The following CACNA1E variants were observed in gnomAD, a reference collection of about 807,000 sequenced individuals.
CACNA1E encodes the protein voltage-dependent R-type calcium channel subunit alpha-1E.
Under a neutral mutation model 259.2 loss-of-function variants are expected in CACNA1E, and 40 were observed. The ratio of observed to expected loss-of-function variants is 0.15; its 90% CI spans 0.12 to 0.20. The LOEUF (loss-of-function observed/expected upper bound fraction) is 0.20. CACNA1E is among the 10% of genes least tolerant of loss of function. CACNA1E has a pLI of 1.00. For synonymous variants in CACNA1E, 1,104 were observed against 1,138.5 expected (o/e 0.97, Z 0.61); for missense variants, 1,874 against 3,040.1 (o/e 0.62, Z 9.02).
At chr1:181,738,457 T>C in intron 24 of CACNA1E, 31 bp downstream of exon 24, 1 of 1,528,682 alleles carries the variant, frequency 6.5e-7, no homozygotes, top group Non-Finnish European at 9.1e-7. Context: ...CCTGGGCTCT[T>C]GGGTTTAGAT....
chr1:181,353,356 T>C (rs1653182891), intron 1 of CACNA1E, among the ~76,000 whole-genome samples: 1 of 152,196 alleles, frequency 6.6e-6, no homozygotes, highest in Non-Finnish European at 1.5e-5. Context: ...TACAGAGTGC[T>C]TCAGTCCTGA....
At chr1:181,686,324 T>C (rs1315460823) in intron 7 of CACNA1E, among the ~76,000 whole-genome samples, 2 of 137,670 alleles carry the variant, frequency 1.5e-5, no homozygotes, top group African/African-American at 5.3e-5. Context: ...TTCACTCTTG[T>C]TGCCCAGGCT....
At chr1:181,673,611 C>A (rs1222312269) in intron 7 of CACNA1E, among the ~76,000 whole-genome samples, 1 of 152,180 alleles carries the variant, frequency 6.6e-6, no homozygotes, top group Non-Finnish European at 1.5e-5. Flanking sequence ...CTAGAGTGAG[C>A]CGGAGAGCAG....
rs1015866276 is a variant in CACNA1E at position 181,802,661 on chromosome 1, G to A, written c.*3827G>A. The A allele has an allele frequency of 1.3e-5, 2 of 152,226 alleles. No homozygotes were observed. The highest frequency in any genetic ancestry group is 4.1e-4 in the South Asian group (2 of 4,828). The allele number at this position is 152,226 out of a possible 1,614,324, so 9.4% of individuals were successfully genotyped here. ...GGAACTCACCTGGTGCTCCTCGCAA[G>A]ACAACTGACACAAGGTGTAGGGTGT... On this transcript the variant is annotated 3_prime_UTR_variant, in exon 48 of 48. Transcript: ENST00000367573.
Position 181,784,914 on chromosome 1 carries a change from A to G in CACNA1E, c.5578+146A>G, listed in dbSNP as rs2293994. The G allele has an allele frequency of 0.041, 25,445 of 613,848 alleles. 1,290 individuals carry two copies. Among genetic ancestry groups the G allele is most frequent in the East Asian group, 0.16 (5,859 of 36,410 alleles). The allele number at this position is 613,848 out of a possible 1,614,324, so 38.0% of individuals were successfully genotyped here. A position where few individuals can be genotyped will look rare whatever the true frequency, so the allele number is the denominator to read the frequency against. On this transcript the variant is annotated intron_variant, in intron 41 of 47. Coordinates refer to ENST00000367573, the MANE Select transcript of CACNA1E (RefSeq NM_001205293.3). ...GACAAAAGGGACTTAAGGATAAAAC[A>G]TGTTCTTTAAGATAGGTCACTGTGG...
At chr1:181,725,882 G>A (rs1052102532) in intron 17 of CACNA1E, among the ~76,000 whole-genome samples, 183 bp from the exon 18 acceptor site, 7 of 152,238 alleles carry the variant, frequency 4.6e-5, no homozygotes, top group African/African-American at 7.2e-5. Flanking sequence ...GACTCCCAAG[G>A]GGCCTGGCCT....
intron 3 of CACNA1E, among the ~76,000 whole-genome samples, chr1:181,553,291 C>T (rs188055858): frequency 1.0e-3 from 156 of 152,104 alleles, no homozygotes; most frequent in African/African-American, 3.0e-3. Context: ...ATTCATGATT[C>T]GGCTCTCTGC....
chr1:181,391,061 A>G (rs1656236233), intron 1 of CACNA1E, among the ~76,000 whole-genome samples: 1 of 152,164 alleles, frequency 6.6e-6, no homozygotes, highest in Non-Finnish European at 1.5e-5. Context: ...CATCCAATCT[A>G]TCACCAAATT....
intron 7 of CACNA1E, among the ~76,000 whole-genome samples, chr1:181,665,180 CAT>C (rs952899212): frequency 3.2e-4 from 44 of 136,134 alleles, no homozygotes; most frequent in South Asian, 7.2e-4. Context: ...CACACACACA[CAT>C]ATACATCTAT....
In CACNA1E at chr1:181,799,849, G is replaced by A. The variant is rs638132; in HGVS notation, c.*1015G>A. 0.72 allele frequency: 110,209 copies of A among 152,144 alleles called. 40,006 individuals carry two copies. Among genetic ancestry groups the A allele is most frequent in the South Asian group, 0.8 (3,877 of 4,820 alleles). The allele number at this position is 152,144 out of a possible 1,614,324, so 9.4% of individuals were successfully genotyped here. A position where few individuals can be genotyped will look rare whatever the true frequency, so the allele number is the denominator to read the frequency against. On this transcript the variant is annotated 3_prime_UTR_variant, in exon 48 of 48. Coordinates refer to ENST00000367573, the MANE Select transcript of CACNA1E (RefSeq NM_001205293.3). ...AACCAGTGTGGAAGCAATTAAATAT[G>A]CGTAACAGTGCTACGGCCACACCAG...
intron 25 of CACNA1E, among the ~76,000 whole-genome samples, chr1:181,750,056 G>C (rs1305988998): frequency 6.6e-6 from 1 of 152,222 alleles, no homozygotes; most frequent in South Asian, 2.1e-4. Flanking sequence ...CCTGCAGCCT[G>C]GTTTCTTATA....
intron 1 of CACNA1E, among the ~76,000 whole-genome samples, chr1:181,344,797 C>T (rs188678954): frequency 1.5e-4 from 23 of 152,350 alleles, no homozygotes; most frequent in African/African-American, 3.1e-4. Flanking sequence ...GGCTGGCCAT[C>T]GGCCTGGGAA....
intron 3 of CACNA1E, among the ~76,000 whole-genome samples, chr1:181,535,209 TA>T (rs1408190659): frequency 6.6e-6 from 1 of 152,192 alleles, no homozygotes; most frequent in Non-Finnish European, 1.5e-5. Flanking sequence ...GGGGTCTTCA[TA>T]AAAAAGTTCA....
Position 181,798,819 on chromosome 1 carries a change from A to T in CACNA1E, c.6927A>T (p.Glu2309Asp). The change falls in exon 48 of 48, where the codon GAA (glutamate) becomes GAT (aspartate). Residue 2309 changes from glutamate (E) to aspartate (D), a missense_variant. Glu to Asp is a conservative substitution (Grantham distance 45). Around this residue, in one of 14 missense-constraint regions of CACNA1E, gnomAD observed 542 missense variants for 587.2 expected, o/e 0.92. Coordinates refer to ENST00000367573, the MANE Select transcript of CACNA1E (RefSeq NM_001205293.3). This position sits in a 1 kb window ranked among gnomAD's most constrained non-coding sequence, Gnocchi z 4.2. ...AVNNLLSDTEEDDKC is the reference protein window; with the variant it reads ...AVNNLLSDTEDDDKC ...ACAACCTGCTAAGTGACACGGAAGA[A>T]GATGACAAATGCTAGAGGCTGCTCC... The T allele has an allele frequency of 2.6e-6, 4 of 1,524,214 alleles. No homozygotes were observed. The highest frequency in any genetic ancestry group is 2.5e-5 in the South Asian group (2 of 79,290). The allele number at this position is 1,524,214 out of a possible 1,614,324, so 94.4% of individuals were successfully genotyped here.
chr1:181,427,935 A>G (rs1485449635), intron 2 of CACNA1E, among the ~76,000 whole-genome samples: 2 of 152,192 alleles, frequency 1.3e-5, no homozygotes, highest in Non-Finnish European at 2.9e-5. Flanking sequence ...AAAGATGTCC[A>G]TAACATCTCT....
At chr1:181,508,440 G>A (rs1665901190) in intron 1 of CACNA1E, among the ~76,000 whole-genome samples, 1 of 152,224 alleles carries the variant, frequency 6.6e-6, no homozygotes, top group Non-Finnish European at 1.5e-5. Context: ...GAAAGGGTAT[G>A]GATTCCTTGG....
chr1:181,778,340 G>A (rs1262998707), intron 38 of CACNA1E, among the ~76,000 whole-genome samples: 1 of 152,170 alleles, frequency 6.6e-6, no homozygotes, highest in Non-Finnish European at 1.5e-5. Context: ...CTCCTCTCAA[G>A]AGTTGAGAGA....
intron 1 of CACNA1E, among the ~76,000 whole-genome samples, chr1:181,368,188 C>A (rs1366029329): frequency 6.6e-6 from 1 of 151,768 alleles, no homozygotes; most frequent in African/African-American, 2.4e-5. Context: ...CGAGATCATG[C>A]CACTGCACTC....
At chr1:181,451,643 C>T (rs1289464785) in intron 2 of CACNA1E, among the ~76,000 whole-genome samples, 1 of 152,132 alleles carries the variant, frequency 6.6e-6, no homozygotes, top group Non-Finnish European at 1.5e-5. Flanking sequence ...GATCATGCCA[C>T]TGCACTCCAG....
Sources: allele counts gnomAD v4.1 joint callset (sites outside exome capture counted in the v4.1 genomes callset), GRCh38; gene constraint gnomAD v4.1.1; regional missense constraint gnomAD v4.1.1; non-coding constraint Gnocchi (gnomAD v3.1); transcripts MANE v1.5; gene names NCBI Gene and HGNC (gene_info 2026-07-23, HGNC 2026-07-21).